The following ERN1 variants were observed in gnomAD, a reference collection of about 807,000 sequenced individuals.
ERN1 encodes serine/threonine-protein kinase/endoribonuclease IRE1.
ERN1 carries 39 observed loss-of-function variants against 113.1 expected under a neutral mutation model. The ratio of observed to expected loss-of-function variants is 0.34; its 90% CI spans 0.27 to 0.45. ERN1 has a LOEUF of 0.45. Ranked by LOEUF, ERN1 falls within the 20% of genes least tolerant of loss-of-function variation. The pLI is 1.00. For synonymous variants in ERN1, 507 were observed against 515.9 expected, an observed-to-expected ratio of 0.98 and a Z score of 0.23; for missense variants, 976 against 1,274.8, an observed-to-expected ratio of 0.77 and a Z score of 3.57.
At chr17:64,098,380 T>G (rs753660595) in intron 1 of ERN1, 139 bp from the exon 2 acceptor site, 1 of 1,098,592 alleles carries the variant, frequency 9.1e-7, no homozygotes, top group East Asian at 2.4e-5. Context: ...GTGGAGAGCC[T>G]AAATTCCCAC....
At chr17:64,061,468 GACAT>G in intron 10 of ERN1, among the ~76,000 whole-genome samples, 1 of 152,304 alleles carries the variant, frequency 6.6e-6, no homozygotes, top group Non-Finnish European at 1.5e-5. Context: ...AAGATTTCAT[GACAT>G]ACATGCCAAG....
chr17:64,100,796 T>C (rs1914364519), intron 1 of ERN1, among the ~76,000 whole-genome samples: 1 of 151,822 alleles, frequency 6.6e-6, no homozygotes, highest in Admixed American at 6.6e-5. Flanking sequence ...AATAAATAAA[T>C]AAATAAATAA....
Position 64,052,929 on chromosome 17 carries a change from G to A in ERN1, c.2104C>T (p.His702Tyr), listed in dbSNP as rs766930338. ...GAGATCATGGCCTTGATCTTGCCGT[G>A]TGCATTGGGCATGGATATGAGGATG... ...HNILISMPNA[H>Y]GKIKAMISDF... The change falls in exon 17 of 22, where the codon CAC becomes TAC. Residue 702 changes from histidine to tyrosine, a missense_variant. His to Tyr is a moderately conservative substitution (Grantham distance 83, BLOSUM62 2). Transcript: ENST00000433197. The A allele has an allele frequency of 2.5e-6, 4 of 1,613,792 alleles. No individual in the cohort carries two copies. In the East Asian group the frequency reaches 8.9e-5, roughly 36 times the overall value.
chr17:64,094,375 A>C (rs1914170479), intron 2 of ERN1, among the ~76,000 whole-genome samples: 1 of 152,234 alleles, frequency 6.6e-6, no homozygotes, highest in African/African-American at 2.4e-5. Context: ...GTGATTAAAA[A>C]AATACTTTCC....
chr17:64,054,958 G>A lies in ERN1; in HGVS notation c.1673-130C>T. On this transcript the variant is annotated intron_variant, in intron 13 of 21. Transcript: ENST00000433197. This position sits in a 1 kb window ranked among gnomAD's most constrained non-coding sequence, Gnocchi z 4.9. ...TTTAAGAGGCACTGCACCCCAGACTGCTGCTCAGCAAGAGCCTGCCAGGCC... is the reference window on the plus strand; with the variant it reads ...TTTAAGAGGCACTGCACCCCAGACTACTGCTCAGCAAGAGCCTGCCAGGCC... The A allele has an allele frequency of 1.5e-6, 1 of 688,788 alleles. No homozygotes were observed. The highest frequency in any genetic ancestry group is 2.4e-6 in the Non-Finnish European group (1 of 409,098). 42.7% of individuals were successfully genotyped at this position (688,788 alleles called of 1,614,324 possible).
chr17:64,125,418 C>A (rs893301651), intron 1 of ERN1, among the ~76,000 whole-genome samples: 1 of 152,158 alleles, frequency 6.6e-6, no homozygotes, highest in Admixed American at 6.5e-5. Flanking sequence ...GGCTTATTAC[C>A]ACATCAACCC....
At position 64,130,111 on chromosome 17, in the gene ERN1, C is replaced by A; in HGVS notation, c.-82G>T. ...GCCGCGACGACAGCGAGGCGGTGAC[C>A]GAGCCTCAGCGGACGCAGAACTGAC... On this transcript the variant is annotated 5_prime_UTR_variant, in exon 1 of 22. Transcript: ENST00000433197. The surrounding 1 kb of genome is among the most constrained non-coding windows in gnomAD (Gnocchi z 4.0). 8.2e-7 allele frequency: 1 copy of A among 1,220,928 alleles called. No individual in the cohort carries two copies. Among genetic ancestry groups the A allele is most frequent in the Non-Finnish European group, 1.0e-6 (1 of 959,980 alleles). 75.6% of individuals were successfully genotyped at this position (1,220,928 alleles called of 1,614,324 possible). A position where few individuals can be genotyped will look rare whatever the true frequency, so the allele number is the denominator to read the frequency against.
At chr17:64,052,632 A>T (rs1331695471) in intron 17 of ERN1, 148 bp downstream of exon 17, 2 of 624,696 alleles carry the variant, frequency 3.2e-6, no homozygotes, top group Non-Finnish European at 5.2e-6. Context: ...GATGACACAG[A>T]ATGTTCACAC....
chr17:64,126,288 G>A (rs1245204656), intron 1 of ERN1, among the ~76,000 whole-genome samples: 1 of 152,162 alleles, frequency 6.6e-6, no homozygotes, highest in Non-Finnish European at 1.5e-5. Flanking sequence ...GGAGACATTT[G>A]ATTATAAAAC....
intron 6 of ERN1, 53 bp from the exon 7 acceptor site, chr17:64,068,344 C>T: frequency 7.9e-7 from 1 of 1,259,534 alleles, no homozygotes; most frequent in South Asian, 1.3e-5. Flanking sequence ...ATAGTACCTA[C>T]TGAGGTGTGG....
rs545183460 is a variant in ERN1, at chr17:64,063,145, C to T, written c.1087+841G>A. Among the ~76,000 whole-genome samples the T allele has an allele frequency of 6.6e-4, 100 of 152,372 alleles. No individual in the cohort carries two copies. Among genetic ancestry groups the T allele is most frequent in the African/African-American group, 2.3e-3 (95 of 41,586 alleles). On this transcript the variant is annotated intron_variant, in intron 10 of 21. Transcript: ENST00000433197. This position sits in a 1 kb window ranked among gnomAD's most constrained non-coding sequence, Gnocchi z 5.1. ...AGAGAACAGAGAGAAGAAACTGCAC[C>T]GGCCCCTGGGTGCTCCAGCACCCGA...
At chr17:64,116,653 TAAC>T (rs746401364) in intron 1 of ERN1, among the ~76,000 whole-genome samples, 9 of 139,198 alleles carry the variant, frequency 6.5e-5, no homozygotes, top group South Asian at 2.1e-4. Flanking sequence ...AAAAAAAAAA[TAAC>T]ACACACACAC....
intron 1 of ERN1, among the ~76,000 whole-genome samples, chr17:64,120,484 A>T (rs1377183610): frequency 6.6e-6 from 1 of 152,200 alleles, no homozygotes; most frequent in African/African-American, 2.4e-5. Flanking sequence ...AGAGGGGGGA[A>T]ATAATCCACT....
intron 3 of ERN1, 54 bp downstream of exon 3, chr17:64,080,721 T>C (rs374084218): frequency 1.2e-5 from 19 of 1,553,748 alleles, no homozygotes; most frequent in Non-Finnish European, 1.5e-5. Flanking sequence ...TAAACACTGA[T>C]TGAATGAAGA....
intron 4 of ERN1, among the ~76,000 whole-genome samples, chr17:64,078,219 C>T (rs1913658256): frequency 6.6e-6 from 1 of 152,192 alleles, no homozygotes; most frequent in African/African-American, 2.4e-5. Flanking sequence ...CTTGTTTTGG[C>T]CATTCTGGTG....
At chr17:64,060,350 G>T in intron 11 of ERN1, 119 bp downstream of exon 11, 1 of 694,968 alleles carries the variant, frequency 1.4e-6, no homozygotes, top group South Asian at 1.7e-5. Flanking sequence ...TTGGATTCTG[G>T]TGCATTCCTC....
intron 9 of ERN1, 122 bp from the exon 10 acceptor site, chr17:64,064,273 G>T: frequency 8.8e-7 from 1 of 1,132,666 alleles, no homozygotes; most frequent in Non-Finnish European, 1.2e-6. Context: ...CCAGGACAGA[G>T]CAAGACACAA....
chr17:64,086,692 G>C (rs1277564179), intron 2 of ERN1, among the ~76,000 whole-genome samples: 2 of 122,878 alleles, frequency 1.6e-5, no homozygotes, highest in Non-Finnish European at 3.1e-5. Context: ...TGTCGCCCAG[G>C]CTGGAGTGCA....
At chr17:64,076,891 T>G (rs1288836050) in intron 4 of ERN1, among the ~76,000 whole-genome samples, 3 of 152,182 alleles carry the variant, frequency 2.0e-5, no homozygotes, top group Non-Finnish European at 4.4e-5. Flanking sequence ...CGGCTGGGCA[T>G]CCTCTTTAAG....
Sources: allele counts gnomAD v4.1 joint callset (sites outside exome capture counted in the v4.1 genomes callset), GRCh38; gene constraint gnomAD v4.1.1; non-coding constraint Gnocchi (gnomAD v3.1); transcripts MANE v1.5; gene names NCBI Gene and HGNC (gene_info 2026-07-23, HGNC 2026-07-21).